The following TUT7 variants were observed in gnomAD, a reference collection of about 807,000 sequenced individuals.
TUT7 encodes terminal uridylyltransferase 7.
A neutral mutation model predicts 165.9 loss-of-function variants in TUT7; 33 were observed. The observed-to-expected ratio is 0.20, with a 90% CI of 0.15 to 0.27. The LOEUF is 0.27. Ranked by LOEUF, TUT7 falls within the 10% of genes least tolerant of loss-of-function variation. The probability of loss-of-function intolerance (pLI) is 1.00; values close to 1 mark genes in which losing one functional copy is unlikely to be tolerated. For synonymous variants in TUT7, 552 were observed against 608.1 expected, an observed-to-expected ratio of 0.91 and a Z score of 1.36; for missense variants, 1,338 against 1,762.3, an observed-to-expected ratio of 0.76 and a Z score of 4.31.
chr9:86,319,712 T>C, intron 14 of TUT7, 42 bp from the exon 15 acceptor site: 2 of 1,288,426 alleles, frequency 1.6e-6, no homozygotes, highest in South Asian at 2.7e-5. Flanking sequence ...ATAAGCCGGT[T>C]GACACTCTTA....
intron 26 of TUT7, among the ~76,000 whole-genome samples, chr9:86,291,522 A>C (rs1825893397): frequency 6.8e-6 from 1 of 147,982 alleles, no homozygotes; most frequent in Non-Finnish European, 1.5e-5. Flanking sequence ...TGGTGAGCCG[A>C]GATTGTGCCA....
chr9:86,333,488 C>T (rs926288870), intron 10 of TUT7, among the ~76,000 whole-genome samples: 4 of 152,152 alleles, frequency 2.6e-5, no homozygotes, highest in Non-Finnish European at 5.9e-5. Context: ...TTTTTCCTGG[C>T]TATGTCTAGT....
At chr9:86,299,821 T>C (rs1454578783) in intron 26 of TUT7, among the ~76,000 whole-genome samples, 1 of 152,206 alleles carries the variant, frequency 6.6e-6, no homozygotes, top group Non-Finnish European at 1.5e-5. Flanking sequence ...AAGACTGTAA[T>C]AATGTTTCAG....
chr9:86,295,608 G>C (rs1826242887), intron 26 of TUT7, among the ~76,000 whole-genome samples: 1 of 152,120 alleles, frequency 6.6e-6, no homozygotes, highest in Admixed American at 6.5e-5. Flanking sequence ...CACTGACAAT[G>C]AGCTCTCCCC....
At chr9:86,302,172 A>G (rs2131307454) in intron 25 of TUT7, among the ~76,000 whole-genome samples, 1 of 152,348 alleles carries the variant, frequency 6.6e-6, no homozygotes, top group Admixed American at 6.5e-5. Flanking sequence ...ATTGCTGTAC[A>G]GTTAAAAACA....
intron 17 of TUT7, among the ~76,000 whole-genome samples, chr9:86,313,420 C>G (rs1183306935): frequency 6.6e-6 from 1 of 152,148 alleles, no homozygotes; most frequent in African/African-American, 2.4e-5. Flanking sequence ...AAGAGAGGAT[C>G]AGGGCTTTCA....
intron 26 of TUT7, among the ~76,000 whole-genome samples, chr9:86,295,743 C>A (rs1826256081): frequency 6.6e-6 from 1 of 152,068 alleles, no homozygotes; most frequent in African/African-American, 2.4e-5. Context: ...AAGAATACAT[C>A]ACCATGAGGG....
Position 86,353,093 on chromosome 9 carries a change from A to G in TUT7, c.107T>C (p.Ile36Thr). The change falls in exon 2 of 27, where the codon ATA becomes ACA. Residue 36 changes from isoleucine to threonine, a missense_variant. Physicochemically the swap from Ile to Thr is moderately conservative, Grantham distance 89. Transcript: ENST00000375963. ...RGHPQQDYLI[I>T]DDHAKGHGSK... Reference sequence around the variant, plus strand: ...GCCATGGCCTTTAGCATGGTCATCTATTATTAAATAATCTTGTTGGGGGTG... The same window carrying G: ...GCCATGGCCTTTAGCATGGTCATCTGTTATTAAATAATCTTGTTGGGGGTG... 6.2e-7 allele frequency: 1 copy of G among 1,613,938 alleles called. No individual in the cohort carries two copies.
chr9:86,320,189 A>G (rs1269149325), intron 14 of TUT7, among the ~76,000 whole-genome samples: 1 of 150,832 alleles, frequency 6.6e-6, no homozygotes, highest in African/African-American at 2.4e-5. Flanking sequence ...GAGCATTTGC[A>G]TGTATTTTTT....
chr9:86,343,257 A>G lies in TUT7; in HGVS notation c.998-94T>C, dbSNP rs1198970687. On this transcript the variant is annotated intron_variant, in intron 5 of 26. Transcript: ENST00000375963. ...TGCTATTTCAGAAGCAGAACCATCA[A>G]TTAAAATTACACACAAAAGCAAACT... 3.9e-6 allele frequency: 3 copies of G among 767,456 alleles called. No homozygotes were observed. In the African/African-American group the frequency reaches 5.5e-5, roughly 14 times the overall value. 47.5% of individuals were successfully genotyped at this position (767,456 alleles called of 1,614,324 possible).
chr9:86,296,298 G>T (rs1361092281), intron 26 of TUT7, among the ~76,000 whole-genome samples: 1 of 152,146 alleles, frequency 6.6e-6, no homozygotes, highest in Non-Finnish European at 1.5e-5. Context: ...TAAATGGTTG[G>T]GCTGGATTTC....
At chr9:86,331,219 T>C (rs1830283535) in intron 10 of TUT7, among the ~76,000 whole-genome samples, 1 of 133,984 alleles carries the variant, frequency 7.5e-6, no homozygotes, top group Non-Finnish European at 1.5e-5. Context: ...GAGACCAGCC[T>C]GGGCAACATA....
At chr9:86,348,609 C>T (rs1588021093) in intron 2 of TUT7, among the ~76,000 whole-genome samples, 1 of 151,934 alleles carries the variant, frequency 6.6e-6, no homozygotes, top group East Asian at 1.9e-4. Flanking sequence ...AAAAAATCAG[C>T]CAGCAAGATG....
chr9:86,333,448 A>AT (rs1830495520), intron 10 of TUT7, among the ~76,000 whole-genome samples: 2 of 151,946 alleles, frequency 1.3e-5, no homozygotes, highest in African/African-American at 4.8e-5. Flanking sequence ...CAGTTTGAGA[A>AT]TTTTCTGTTG....
intron 2 of TUT7, among the ~76,000 whole-genome samples, chr9:86,351,493 AAG>A (rs1832298526): frequency 6.6e-6 from 1 of 152,222 alleles, no homozygotes; most frequent in South Asian, 2.1e-4. Context: ...TCTGTGAAAA[AAG>A]AAAAAAAATC....
At chr9:86,341,818 G>C (rs150809671) in intron 6 of TUT7, among the ~76,000 whole-genome samples, 4 of 151,990 alleles carry the variant, frequency 2.6e-5, no homozygotes, top group Non-Finnish European at 5.9e-5. Flanking sequence ...CATGACTGCT[G>C]TATCTCTGCC....
chr9:86,347,545 A>G (rs760605193), intron 2 of TUT7, among the ~76,000 whole-genome samples: 8 of 152,330 alleles, frequency 5.3e-5, no homozygotes, highest in African/African-American at 7.2e-5. Context: ...AAAAGGAAAT[A>G]TAGGACCTCC....
At chr9:86,349,575 A>G (rs765073782) in intron 2 of TUT7, among the ~76,000 whole-genome samples, 15 of 149,894 alleles carry the variant, frequency 1.0e-4, no homozygotes, top group Admixed American at 6.6e-5. Flanking sequence ...GTGGGGGGGA[A>G]AAAAGCAACT....
chr9:86,319,167 A>G (rs1829000159), intron 15 of TUT7, 109 bp from the exon 16 acceptor site: 5 of 674,490 alleles, frequency 7.4e-6, no homozygotes. Context: ...ATTATCCTAT[A>G]TTAATCTCAT....
Sources: allele counts gnomAD v4.1 joint callset (sites outside exome capture counted in the v4.1 genomes callset), GRCh38; gene constraint gnomAD v4.1.1; transcripts MANE v1.5; gene names NCBI Gene and HGNC (gene_info 2026-07-23, HGNC 2026-07-21).